Variants in PTPRD observed in about 807,000 individuals in gnomAD.
PTPRD encodes protein tyrosine phosphatase receptor type D, also known as receptor-type tyrosine-protein phosphatase delta.
Under a neutral mutation model 214.5 loss-of-function variants are expected in PTPRD, and 34 were observed. The observed-to-expected ratio is 0.16, with a 90% confidence interval of 0.12 to 0.21. The LOEUF (loss-of-function observed/expected upper bound fraction) is 0.21. Among genes scored for constraint, PTPRD ranks in the 10% least tolerant of loss-of-function variants. The pLI is 1.00. For synonymous variants in PTPRD, 1,128 were observed against 845.7 expected (o/e 1.33, Z -5.79); for missense variants, 2,545 against 2,398.7 (o/e 1.06, Z -1.27).
intron 39 of PTPRD, among the ~76,000 whole-genome samples, chr9:8,361,868 C>T (rs2078582022): frequency 6.6e-6 from 1 of 152,296 alleles, no homozygotes; most frequent in Non-Finnish European, 1.5e-5. Flanking sequence ...ACAGAAGTCC[C>T]CCACAGGGCA....
At chr9:9,062,618 A>G (rs190512259) in intron 10 of PTPRD, among the ~76,000 whole-genome samples, 2 of 152,230 alleles carry the variant, frequency 1.3e-5, no homozygotes, top group Admixed American at 1.3e-4. Context: ...TATGCTTGAG[A>G]AAATAAGGTC....
At chr9:8,805,019 C>T (rs1445815169) in intron 11 of PTPRD, among the ~76,000 whole-genome samples, 1 of 152,192 alleles carries the variant, frequency 6.6e-6, no homozygotes, top group Non-Finnish European at 1.5e-5. Flanking sequence ...GAAGGGATTA[C>T]AGCATGCTTT....
chr9:9,365,179 T>G (rs943515776), intron 9 of PTPRD, among the ~76,000 whole-genome samples: 1 of 151,476 alleles, frequency 6.6e-6, no homozygotes, highest in African/African-American at 2.4e-5. Flanking sequence ...GATCACAGCT[T>G]TTTAAAATTG....
rs144383905 is a variant in PTPRD, at chr9:9,316,232, C to T, written c.-203+81217G>A. Among the ~76,000 whole-genome samples the T allele has an allele frequency of 3.3e-5, 5 of 152,020 alleles. No homozygotes were observed. The South Asian group carries it at 1.0e-3, about 32-fold the overall frequency. ...ATTCTCCACCCCTATGTCTCCCTCT[C>T]CTCCTCTCTCTCTCCCCTACCGTCT... On this transcript the variant is annotated intron_variant, in intron 9 of 45. Transcript: ENST00000381196.
chr9:8,408,036 G>C (rs2093174103), intron 35 of PTPRD, among the ~76,000 whole-genome samples: 1 of 152,166 alleles, frequency 6.6e-6, no homozygotes, highest in Non-Finnish European at 1.5e-5. Flanking sequence ...GATCATGAAT[G>C]AGTAAGACCC....
At chr9:10,143,266 A>C (rs142537516) in intron 3 of PTPRD, among the ~76,000 whole-genome samples, 2,575 of 150,174 alleles carry the variant, frequency 0.017, 69 homozygotes, top group African/African-American at 0.06. Context: ...CTAAAACTTA[A>C]AGTATAATAA....
chr9:9,591,038 G>A (rs2092674482), intron 7 of PTPRD, among the ~76,000 whole-genome samples: 1 of 151,968 alleles, frequency 6.6e-6, no homozygotes, highest in African/African-American at 2.4e-5. Context: ...CTTAATCCCT[G>A]GAACCTGTGT....
At chr9:8,514,486 T>A (rs904916013) in intron 21 of PTPRD, among the ~76,000 whole-genome samples, 6 of 151,794 alleles carry the variant, frequency 4.0e-5, no homozygotes, top group African/African-American at 1.5e-4. Flanking sequence ...CGATCTTTCA[T>A]AAAAATGTTC....
intron 14 of PTPRD, among the ~76,000 whole-genome samples, chr9:8,611,196 A>G (rs554726184): frequency 3.9e-5 from 6 of 152,224 alleles, no homozygotes; most frequent in Non-Finnish European, 7.3e-5. Flanking sequence ...AAAATAACCA[A>G]AAAGCTGATT....
chr9:9,266,110 CT>C (rs1939466887), intron 9 of PTPRD, among the ~76,000 whole-genome samples: 1 of 151,346 alleles, frequency 6.6e-6, no homozygotes, highest in Admixed American at 6.6e-5. Flanking sequence ...ACAAAATAGA[CT>C]TTAAGTCAAA....
chr9:8,404,763 G>C (rs1589612003), intron 35 of PTPRD, 103 bp from the exon 36 acceptor site: 1 of 1,360,972 alleles, frequency 7.3e-7, no homozygotes, highest in South Asian at 1.6e-5. Flanking sequence ...GGAAAATTCT[G>C]AAGCCATACT....
intron 8 of PTPRD, among the ~76,000 whole-genome samples, chr9:9,492,419 C>T (rs1448407337): frequency 6.6e-6 from 1 of 151,546 alleles, no homozygotes; most frequent in Admixed American, 6.6e-5. Context: ...GAAGCCAGCA[C>T]CAAATCCAGC....
chr9:10,075,045 C>T (rs1038643997), intron 3 of PTPRD, among the ~76,000 whole-genome samples: 1 of 151,996 alleles, frequency 6.6e-6, no homozygotes, highest in African/African-American at 2.4e-5. Flanking sequence ...TAAATTCATT[C>T]TGTGTGGATT....
At chr9:9,150,205 C>T (rs2154487305) in intron 10 of PTPRD, among the ~76,000 whole-genome samples, 1 of 152,092 alleles carries the variant, frequency 6.6e-6, no homozygotes, top group South Asian at 2.1e-4. Flanking sequence ...TTTTTACCAT[C>T]AGAGGGTGAT....
At chr9:10,126,380 G>T (rs1259722740) in intron 3 of PTPRD, among the ~76,000 whole-genome samples, 1 of 148,808 alleles carries the variant, frequency 6.7e-6, no homozygotes, top group African/African-American at 2.5e-5. Flanking sequence ...CATTTTCAAG[G>T]GTTCAGTATT....
At chr9:10,028,806 C>G (rs763413416) in intron 4 of PTPRD, among the ~76,000 whole-genome samples, 16 of 152,124 alleles carry the variant, frequency 1.1e-4, no homozygotes, top group African/African-American at 3.9e-4. Context: ...ATCCCATTTT[C>G]GAGGAGAAAT....
chr9:9,258,114 T>TAGAC (rs751980060), intron 9 of PTPRD, among the ~76,000 whole-genome samples: 18,432 of 151,480 alleles, frequency 0.12, 1,382 homozygotes, highest in Middle Eastern at 0.2. Flanking sequence ...GATAGATAGA[T>TAGAC]AGACAGATAA....
Position 8,331,693 on chromosome 9 carries a change from C to G in PTPRD, c.5423G>C (p.Trp1808Ser), listed in dbSNP as rs2131647205. The G allele has an allele frequency of 6.2e-7, 1 of 1,613,304 alleles. No individual in the cohort carries two copies. The change falls in exon 44 of 46, where the codon TGG becomes TCG. Residue 1808 changes from tryptophan to serine, a missense_variant. Coordinates refer to ENST00000381196, the MANE Select transcript of PTPRD (RefSeq NM_002839.4). ...RTVRQFQFTDWPEQGVPKSGE... is the reference protein window; with the variant it reads ...RTVRQFQFTDSPEQGVPKSGE... The stretch of plus-strand genomic sequence containing the variant: ...GGACTTTGGCACTCCTTGCTCTGGC[C>G]AGTCAGTGAACTGGAACTGCCTTAC...
chr9:10,526,997 C>A (rs1483855361), intron 2 of PTPRD, among the ~76,000 whole-genome samples: 1 of 152,096 alleles, frequency 6.6e-6, no homozygotes, highest in Non-Finnish European at 1.5e-5. Flanking sequence ...TCCTCTTAGC[C>A]TGCTCCAAGG....
Sources: allele counts gnomAD v4.1 joint callset (sites outside exome capture counted in the v4.1 genomes callset), GRCh38; gene constraint gnomAD v4.1.1; transcripts MANE v1.5; gene names NCBI Gene and HGNC (gene_info 2026-07-23, HGNC 2026-07-21).